Variants in ARHGAP26 observed in about 807,000 individuals in gnomAD.
ARHGAP26 encodes the protein rho GTPase-activating protein 26.
In ARHGAP26, 38 loss-of-function variants were observed where a neutral mutation model predicts 104.8. That is an observed-to-expected ratio of 0.36 (90% CI 0.28 to 0.48). The LOEUF (loss-of-function observed/expected upper bound fraction) is 0.48. Ranked by LOEUF, ARHGAP26 falls within the 20% of genes least tolerant of loss-of-function variation. The pLI, the probability that ARHGAP26 is intolerant of heterozygous loss-of-function variation, is 0.99. For synonymous variants in ARHGAP26, 341 were observed against 340.0 expected (o/e 1.00, Z -0.03); for missense variants, 704 against 947.9 (o/e 0.74, Z 3.38).
intron 20 of ARHGAP26, among the ~76,000 whole-genome samples, chr5:143,179,548 T>A (rs1410094330): frequency 6.6e-6 from 1 of 152,184 alleles, no homozygotes; most frequent in Non-Finnish European, 1.5e-5. Flanking sequence ...CCCTGGGGCA[T>A]CTTCCCCACA....
intron 20 of ARHGAP26, chr5:143,169,351 A>T (rs1222463277): frequency 1.3e-5 from 2 of 152,226 alleles, no homozygotes; most frequent in African/African-American, 4.8e-5. Flanking sequence ...GAACATTTGT[A>T]TTCAGGCATG....
At chr5:142,885,179 G>A (rs1240640505) in intron 4 of ARHGAP26, 119 bp from the exon 5 acceptor site, 1 of 783,258 alleles carries the variant, frequency 1.3e-6, no homozygotes, top group African/African-American at 1.8e-5. Flanking sequence ...GGCATTACCT[G>A]AAAAGTAGGA....
intron 18 of ARHGAP26, among the ~76,000 whole-genome samples, chr5:143,123,644 G>C (rs1249845325): frequency 6.6e-6 from 1 of 152,176 alleles, no homozygotes; most frequent in Non-Finnish European, 1.5e-5. Context: ...TTGAAGCCAA[G>C]AGTTTGAAAC....
chr5:143,089,935 A>G (rs1325387439), intron 17 of ARHGAP26, among the ~76,000 whole-genome samples: 4 of 152,224 alleles, frequency 2.6e-5, no homozygotes, highest in Non-Finnish European at 5.9e-5. Flanking sequence ...GGACTAAAGC[A>G]TAAGTGCCAC....
intron 18 of ARHGAP26, among the ~76,000 whole-genome samples, chr5:143,131,452 A>T (rs1797345271): frequency 6.6e-6 from 1 of 152,178 alleles, no homozygotes; most frequent in African/African-American, 2.4e-5. Context: ...GAGAGGGAAA[A>T]TAATGAGAAC....
intron 20 of ARHGAP26, among the ~76,000 whole-genome samples, chr5:143,187,148 C>T (rs1194570857): frequency 6.6e-6 from 1 of 152,152 alleles, no homozygotes; most frequent in African/African-American, 2.4e-5. Context: ...CCCCATTTTG[C>T]AGGCAAAGAA....
intron 20 of ARHGAP26, among the ~76,000 whole-genome samples, chr5:143,198,700 G>A (rs929867985): frequency 6.6e-6 from 1 of 152,166 alleles, no homozygotes; most frequent in African/African-American, 2.4e-5. Context: ...TGATGTATGC[G>A]CTATTCCAAA....
At chr5:143,076,138 G>A (rs886598454) in intron 17 of ARHGAP26, among the ~76,000 whole-genome samples, 9 of 149,344 alleles carry the variant, frequency 6.0e-5, no homozygotes, top group African/African-American at 1.7e-4. Flanking sequence ...GACTACAGGT[G>A]TGCGCCACCA....
At chr5:142,940,823 T>C (rs1322367097) in intron 11 of ARHGAP26, among the ~76,000 whole-genome samples, 1 of 152,034 alleles carries the variant, frequency 6.6e-6, no homozygotes, top group Non-Finnish European at 1.5e-5. Flanking sequence ...ATGCCTGTAA[T>C]CCCAGCACTT....
chr5:143,227,807 A>T lies in ARHGAP26; in HGVS notation c.*5361A>T, dbSNP rs541773854. The T allele has an allele frequency of 2.5e-4, 57 of 223,786 alleles. No individual in the cohort carries two copies. The highest frequency in any genetic ancestry group is 1.3e-3 in the African/African-American group (57 of 44,920). The allele number at this position is 223,786 out of a possible 1,614,324, so 13.9% of individuals were successfully genotyped here. On this transcript the variant is annotated 3_prime_UTR_variant, in exon 23 of 23. Coordinates refer to ENST00000645722, the MANE Select transcript of ARHGAP26 (RefSeq NM_001135608.3). ...GAGAAAGAGAAAGGTGAACCATCCT[A>T]AGGAGCTTTGGATACTTTTTTAGAA...
At chr5:142,878,160 G>T (rs1756395948) in intron 3 of ARHGAP26, among the ~76,000 whole-genome samples, 1 of 152,170 alleles carries the variant, frequency 6.6e-6, no homozygotes, top group Admixed American at 6.5e-5. Context: ...CATTGCAGTG[G>T]ACATGCATGT....
intron 1 of ARHGAP26, among the ~76,000 whole-genome samples, chr5:142,802,814 ATTTG>A (rs1762320176): frequency 6.6e-6 from 1 of 152,168 alleles, no homozygotes; most frequent in Non-Finnish European, 1.5e-5. Context: ...CATTGACATT[ATTTG>A]TTTGTTTAAA....
intron 11 of ARHGAP26, among the ~76,000 whole-genome samples, chr5:142,995,758 A>G (rs1776286571): frequency 6.6e-6 from 1 of 152,252 alleles, no homozygotes; most frequent in African/African-American, 2.4e-5. Flanking sequence ...ACTTGGAACC[A>G]ATCCAAATGC....
intron 17 of ARHGAP26, among the ~76,000 whole-genome samples, chr5:143,118,000 G>A (rs1795695180): frequency 6.6e-6 from 1 of 152,192 alleles, no homozygotes; most frequent in Non-Finnish European, 1.5e-5. Context: ...CTCAGGCCTT[G>A]GTAGGGATGA....
intron 11 of ARHGAP26, among the ~76,000 whole-genome samples, chr5:142,941,152 T>G (rs1160992512): frequency 1.3e-5 from 2 of 149,672 alleles, no homozygotes; most frequent in Non-Finnish European, 3.0e-5. Context: ...GGTCGAATGG[T>G]AGTTCTGTTT....
intron 11 of ARHGAP26, among the ~76,000 whole-genome samples, chr5:142,955,054 G>A (rs1380598022): frequency 1.3e-5 from 2 of 151,784 alleles, no homozygotes; most frequent in Admixed American, 6.6e-5. Flanking sequence ...TGAGGCAGGA[G>A]GATCACTTGA....
At chr5:142,864,646 T>C (rs1753939897) in intron 1 of ARHGAP26, among the ~76,000 whole-genome samples, 1 of 152,238 alleles carries the variant, frequency 6.6e-6, no homozygotes, top group South Asian at 2.1e-4. Flanking sequence ...TTGATTCTCC[T>C]TTCTCCAACC....
At chr5:143,120,867 C>A in intron 17 of ARHGAP26, 121 bp from the exon 18 acceptor site, 2 of 950,894 alleles carry the variant, frequency 2.1e-6, no homozygotes, top group African/African-American at 1.7e-5. Context: ...GACGATGACC[C>A]AAGTTCTGGC....
chr5:143,020,799 C>T (rs1191724512), intron 12 of ARHGAP26, among the ~76,000 whole-genome samples: 12 of 152,150 alleles, frequency 7.9e-5, no homozygotes, highest in East Asian at 5.8e-4. Context: ...CCCTCACGCC[C>T]GGCTAATTTT....
Sources: allele counts gnomAD v4.1 joint callset (sites outside exome capture counted in the v4.1 genomes callset), GRCh38; gene constraint gnomAD v4.1.1; transcripts MANE v1.5; gene names NCBI Gene and HGNC (gene_info 2026-07-23, HGNC 2026-07-21).